Variants in PTPN4 observed in about 807,000 individuals in gnomAD.
The protein encoded by PTPN4 is tyrosine-protein phosphatase non-receptor type 4.
Under a neutral mutation model 135.5 loss-of-function variants are expected in PTPN4, and 49 were observed. The observed-to-expected ratio is 0.36, with a 90% confidence interval of 0.29 to 0.46. The LOEUF (loss-of-function observed/expected upper bound fraction) is 0.46, where lower values mean the gene tolerates loss of function less well. Among genes scored for constraint, PTPN4 ranks in the 20% least tolerant of loss-of-function variants. The pLI is 1.00. For synonymous variants in PTPN4, 333 were observed against 369.9 expected (o/e 0.90, Z 1.14); for missense variants, 860 against 1,101.0 (o/e 0.78, Z 3.10).
At position 119,978,477 on chromosome 2, in the gene PTPN4, A is replaced by G. The variant is rs1679649257; in HGVS notation, c.*1407A>G. On this transcript the variant is annotated 3_prime_UTR_variant, in exon 27 of 27. Transcript: ENST00000263708. ...TTATTCCATTTTATATATACTTATT[A>G]AGTTATAAGCATGTTAATAAGGAGA... The G allele has an allele frequency of 6.6e-6, 1 of 152,124 alleles. No homozygotes were observed. 9.4% of individuals were successfully genotyped at this position (152,124 alleles called of 1,614,324 possible). A position where few individuals can be genotyped will look rare whatever the true frequency, so the allele number is the denominator to read the frequency against.
At chr2:119,769,802 G>T (rs542239700) in intron 1 of PTPN4, among the ~76,000 whole-genome samples, 1 of 152,352 alleles carries the variant, frequency 6.6e-6, no homozygotes, top group East Asian at 1.9e-4. Flanking sequence ...TCAAAAAAAT[G>T]CCCTGAGTGA....
chr2:119,824,307 G>A (rs1677114643), intron 2 of PTPN4, among the ~76,000 whole-genome samples: 1 of 152,120 alleles, frequency 6.6e-6, no homozygotes, highest in Non-Finnish European at 1.5e-5. Context: ...GGTGGAAAGG[G>A]CTAGAAATAT....
chr2:119,941,523 G>A (rs1399801054), intron 15 of PTPN4, among the ~76,000 whole-genome samples: 2 of 151,946 alleles, frequency 1.3e-5, no homozygotes, highest in East Asian at 3.9e-4. Flanking sequence ...ATTACTGTGA[G>A]AGTACATAAT....
In PTPN4 at chr2:119,965,610, G is replaced by A; in HGVS notation, c.2523G>A (p.Arg841=). ...LDFVCHVRNK[R]AGKEEPVVVH... ...TTGTTTGTCATGTACGAAACAAGAG[G>A]GCTGGCAAGGAAGAACCCGTTGTTG... The change falls in exon 25 of 27, where the codon AGG becomes AGA. Residue 841 remains arginine, a synonymous_variant. Coordinates refer to ENST00000263708, the MANE Select transcript of PTPN4 (RefSeq NM_002830.4). The A allele has an allele frequency of 6.2e-7, 1 of 1,614,062 alleles. No homozygotes were observed.
At chr2:119,804,262 G>A (rs1050573314) in intron 1 of PTPN4, among the ~76,000 whole-genome samples, 14 of 152,026 alleles carry the variant, frequency 9.2e-5, no homozygotes, top group African/African-American at 3.1e-4. Context: ...ACAGGTGCAT[G>A]CCACCATGCT....
chr2:119,802,371 A>G (rs775652089), intron 1 of PTPN4, among the ~76,000 whole-genome samples: 1 of 152,080 alleles, frequency 6.6e-6, no homozygotes, highest in Non-Finnish European at 1.5e-5. Flanking sequence ...GCTTTTTATT[A>G]TGTTGAAGAA....
intron 1 of PTPN4, among the ~76,000 whole-genome samples, chr2:119,788,077 T>A (rs1253139045): frequency 6.6e-6 from 1 of 152,174 alleles, no homozygotes; most frequent in Non-Finnish European, 1.5e-5. Context: ...TAAAGTTTAT[T>A]TTGGTTTATT....
intron 2 of PTPN4, among the ~76,000 whole-genome samples, chr2:119,856,411 ATGT>A (rs1342334668): frequency 6.6e-6 from 1 of 152,170 alleles, no homozygotes; most frequent in East Asian, 1.9e-4. Flanking sequence ...TTTGGGGAGA[ATGT>A]TGTTTGGCAC....
At chr2:119,792,323 TCCTGG>T (rs1370624235) in intron 1 of PTPN4, among the ~76,000 whole-genome samples, 1 of 152,214 alleles carries the variant, frequency 6.6e-6, no homozygotes, top group Non-Finnish European at 1.5e-5. Flanking sequence ...TACCTATATT[TCCTGG>T]TACCTACAAT....
Position 119,958,918 on chromosome 2 carries a change from T to A in PTPN4, c.2133+1841T>A, listed in dbSNP as rs933665087. 2.0e-5 allele frequency among the ~76,000 whole-genome samples: 3 copies of A among 152,220 alleles called. No individual in the cohort carries two copies. In the South Asian group the frequency reaches 6.2e-4, roughly 32 times the overall value. On this transcript the variant is annotated intron_variant, in intron 22 of 26. Coordinates refer to ENST00000263708, the MANE Select transcript of PTPN4 (RefSeq NM_002830.4). Reference sequence around the variant, plus strand: ...CTAGTCAGCACTTTAAAACTACACTTGGGGGTCAGTTTTAAACAGCAAAAT... The same window carrying A: ...CTAGTCAGCACTTTAAAACTACACTAGGGGGTCAGTTTTAAACAGCAAAAT...
intron 5 of PTPN4, among the ~76,000 whole-genome samples, chr2:119,878,362 C>T (rs1204943895): frequency 3.3e-5 from 5 of 152,096 alleles, no homozygotes; most frequent in Non-Finnish European, 7.4e-5. Context: ...TAAAAATTAG[C>T]ATGTTATACT....
At position 119,979,721 on chromosome 2, in the gene PTPN4, A is replaced by G. The variant is rs551372768; in HGVS notation, c.*2651A>G. On this transcript the variant is annotated 3_prime_UTR_variant, in exon 27 of 27. Transcript: ENST00000263708. ...GTGTAACATTGTGTGATAAAATGCC[A>G]AATGTCTTGTATCTAAGCTACGCTC... is the stretch of plus-strand genomic sequence containing the variant. 7.9e-5 allele frequency: 12 copies of G among 152,188 alleles called. No homozygotes were observed. The highest frequency in any genetic ancestry group is 2.0e-4 in the Admixed American group (3 of 15,276). The allele number at this position is 152,188 out of a possible 1,614,324, so 9.4% of individuals were successfully genotyped here.
At chr2:119,959,487 C>T (rs1316454343) in intron 22 of PTPN4, among the ~76,000 whole-genome samples, 2 of 152,300 alleles carry the variant, frequency 1.3e-5, no homozygotes, top group South Asian at 4.1e-4. Context: ...TTCCTGTAAT[C>T]CCAGCACTAA....
intron 3 of PTPN4, among the ~76,000 whole-genome samples, chr2:119,865,726 T>C (rs1392881155): frequency 6.6e-6 from 1 of 152,118 alleles, no homozygotes; most frequent in African/African-American, 2.4e-5. Flanking sequence ...TTAAAACTTA[T>C]GTATGTTACA....
Position 119,873,021 on chromosome 2 carries a change from C to T in PTPN4, c.247-4302C>T, listed in dbSNP as rs984464931. Among the ~76,000 whole-genome samples, 9 of 152,144 alleles carry T rather than the reference C, an allele frequency of 5.9e-5. No individual in the cohort carries two copies. In the East Asian group the frequency reaches 1.7e-3, roughly 29 times the overall value. Reference sequence around the variant, plus strand: ...ATTGATTGATTGAAACAAGGTCTTGCTCTGTCACCCAGACTGGAGTGCAGT... The same window carrying T: ...ATTGATTGATTGAAACAAGGTCTTGTTCTGTCACCCAGACTGGAGTGCAGT... On this transcript the variant is annotated intron_variant, in intron 3 of 26. Transcript: ENST00000263708.
chr2:119,759,949 A>T lies in PTPN4; in HGVS notation c.-453A>T, dbSNP rs773647630. On this transcript the variant is annotated 5_prime_UTR_variant, in exon 1 of 27. Transcript: ENST00000263708. Reference sequence around the variant, plus strand: ...GATTACCCGCCAGCTCACGCCGCGCAGTGCGCTTTTCCGCTCCTCGCGCCC... The same window carrying T: ...GATTACCCGCCAGCTCACGCCGCGCTGTGCGCTTTTCCGCTCCTCGCGCCC... The T allele has an allele frequency of 5.7e-5, 21 of 367,344 alleles. No homozygotes were observed. Among genetic ancestry groups the T allele is most frequent in the Non-Finnish European group, 9.2e-5 (19 of 206,498 alleles). The allele number at this position is 367,344 out of a possible 1,614,324, so 22.8% of individuals were successfully genotyped here.
intron 2 of PTPN4, among the ~76,000 whole-genome samples, chr2:119,830,623 C>T (rs1392120487): frequency 6.6e-6 from 1 of 152,110 alleles, no homozygotes; most frequent in Admixed American, 6.5e-5. Context: ...CGCCCGTCAC[C>T]ACGCCCCGCT....
Position 119,760,399 on chromosome 2 carries a change from G to A in PTPN4, c.-18+15G>A, listed in dbSNP as rs1690459906. The A allele has an allele frequency of 2.6e-6, 1 of 387,606 alleles. No individual in the cohort carries two copies. Among genetic ancestry groups the A allele is most frequent in the Admixed American group, 4.5e-5 (1 of 22,338 alleles). The allele number at this position is 387,606 out of a possible 1,614,324, so 24.0% of individuals were successfully genotyped here. On this transcript the variant is annotated intron_variant, in intron 1 of 26. Transcript: ENST00000263708. Reference sequence around the variant, plus strand: ...GATATACGAAGGTAAGAGGTTCTCCGGTCCCCGCCGGCCTCTCGGCCCTGC... The same window carrying A: ...GATATACGAAGGTAAGAGGTTCTCCAGTCCCCGCCGGCCTCTCGGCCCTGC...
At chr2:119,829,189 G>A (rs1172979355) in intron 2 of PTPN4, among the ~76,000 whole-genome samples, 2 of 152,152 alleles carry the variant, frequency 1.3e-5, no homozygotes, top group Admixed American at 6.5e-5. Flanking sequence ...TTTTAGGACT[G>A]TCAGCTTTTT....
Sources: gnomAD v4.1 joint callset for allele counts (sites outside exome capture counted in the v4.1 genomes callset) on GRCh38, gnomAD v4.1.1 for gene constraint, MANE v1.5 for transcripts, NCBI Gene and HGNC (gene_info 2026-07-23, HGNC 2026-07-21) for gene names.